The following ATP13A5 variants were observed in gnomAD, a reference collection of about 807,000 sequenced individuals.
ATP13A5 encodes the protein ATPase 13A5.
ATP13A5 carries 149 observed loss-of-function variants against 150.2 expected under a neutral mutation model. The ratio of observed to expected loss-of-function variants is 0.99; its 90% CI spans 0.87 to 1.14. ATP13A5 has a LOEUF of 1.14. Ranked by LOEUF, ATP13A5 falls within the 50% of genes most tolerant of loss-of-function variation. The probability of loss-of-function intolerance (pLI) is 0.00; values close to 1 mark genes in which losing one functional copy is unlikely to be tolerated. For synonymous variants in ATP13A5, 497 were observed against 522.2 expected, an observed-to-expected ratio of 0.95 and a Z score of 0.66; for missense variants, 1,383 against 1,449.3, an observed-to-expected ratio of 0.95 and a Z score of 0.74.
chr3:193,359,272 G>A (rs963800115), intron 5 of ATP13A5, among the ~76,000 whole-genome samples: 4 of 152,008 alleles, frequency 2.6e-5, no homozygotes, highest in African/African-American at 9.7e-5. Context: ...CTTTTCTAGA[G>A]GTGGTTTCAA....
intron 28 of ATP13A5, 130 bp downstream of exon 28, chr3:193,279,236 T>C: frequency 1.5e-6 from 1 of 676,688 alleles, no homozygotes; most frequent in South Asian, 2.0e-5. Context: ...TTTGCCCTTC[T>C]AGTATATAGA....
At chr3:193,352,407 G>T (rs1340585566) in intron 6 of ATP13A5, among the ~76,000 whole-genome samples, 1 of 151,986 alleles carries the variant, frequency 6.6e-6, no homozygotes, top group African/African-American at 2.4e-5. Flanking sequence ...AATACTTTTT[G>T]CAGAAGAAAC....
intron 1 of ATP13A5, among the ~76,000 whole-genome samples, chr3:193,364,869 C>T (rs561163550): frequency 1.1e-4 from 17 of 152,194 alleles, no homozygotes; most frequent in South Asian, 6.2e-4. Context: ...CAAAAAGCAG[C>T]TTATATTTAT....
At chr3:193,323,319 T>TTCCC (rs1279859068) in intron 14 of ATP13A5, 3 of 152,204 alleles carry the variant, frequency 2.0e-5, no homozygotes, top group Non-Finnish European at 4.4e-5. Flanking sequence ...AAAGGACAGT[T>TTCCC]TCCCTCCTCT....
chr3:193,347,295 T>C (rs1451580874), intron 7 of ATP13A5, among the ~76,000 whole-genome samples: 6 of 138,922 alleles, frequency 4.3e-5, no homozygotes, highest in Non-Finnish European at 7.9e-5. Context: ...TTTTTTTAAT[T>C]CTCAAAATAA....
intron 12 of ATP13A5, among the ~76,000 whole-genome samples, chr3:193,329,337 T>C (rs964705632): frequency 1.3e-5 from 2 of 152,050 alleles, no homozygotes; most frequent in Non-Finnish European, 2.9e-5. Flanking sequence ...TTTTGCACTG[T>C]CACGTGTCAT....
intron 19 of ATP13A5, chr3:193,313,588 A>T (rs1313592220): frequency 6.3e-6 from 1 of 159,320 alleles, no homozygotes; most frequent in East Asian, 1.8e-4. Context: ...AATAGGCCTA[A>T]GTCTGCTTTC....
chr3:193,354,826 C>T (rs1712715469), intron 5 of ATP13A5, among the ~76,000 whole-genome samples: 1 of 151,598 alleles, frequency 6.6e-6, no homozygotes, highest in African/African-American at 2.4e-5. Flanking sequence ...TCATTTGATC[C>T]TCACAATAGT....
chr3:193,294,783 G>T (rs1718098075), intron 25 of ATP13A5, among the ~76,000 whole-genome samples: 2 of 152,080 alleles, frequency 1.3e-5, no homozygotes, highest in Admixed American at 6.6e-5. Context: ...ATACATTTAT[G>T]CTGTACACCT....
chr3:193,357,419 T>C (rs1446362703), intron 5 of ATP13A5, among the ~76,000 whole-genome samples: 1 of 152,150 alleles, frequency 6.6e-6, no homozygotes, highest in African/African-American at 2.4e-5. Context: ...GGCATGCCCC[T>C]TGCTGCTGTG....
At position 193,315,118 on chromosome 3, in the gene ATP13A5, A is replaced by T. The variant is rs758960869; in HGVS notation, c.2034-22T>A. On this transcript the variant is annotated intron_variant, in intron 17 of 29. Transcript: ENST00000342358. The stretch of plus-strand genomic sequence containing the variant: ...TTCTCTTTGTATTCAGGAGAAAATC[A>T]ATATTAAAGTATATCTACGTAGGCT... 7 of 1,610,546 alleles carry T rather than the reference A, an allele frequency of 4.3e-6. No homozygotes were observed. In the East Asian group the frequency reaches 1.6e-4, roughly 36 times the overall value.
chr3:193,378,687 G>A lies in ATP13A5; in HGVS notation c.39C>T (p.Leu13=). ...CCAGTTCATCCTCCTCTCCCTGGTT[G>A]AGCAAAGCCCGATGGTCCTTCTTAC... ...ENSKKDHRAL[L]NQGEEDELEV... The change falls in exon 1 of 30, where the codon CTC becomes CTT. Residue 13 remains leucine, a synonymous_variant. Coordinates refer to ENST00000342358, the MANE Select transcript of ATP13A5 (RefSeq NM_198505.4). The A allele has an allele frequency of 6.2e-7, 1 of 1,613,958 alleles. No individual in the cohort carries two copies. The highest frequency in any genetic ancestry group is 8.5e-7 in the Non-Finnish European group (1 of 1,179,864).
chr3:193,378,014 A>T (rs1243254423), intron 1 of ATP13A5, among the ~76,000 whole-genome samples: 1 of 152,210 alleles, frequency 6.6e-6, no homozygotes, highest in Non-Finnish European at 1.5e-5. Flanking sequence ...AATCATAAAT[A>T]TAAACACCTC....
chr3:193,288,605 T>G (rs1179614205), intron 26 of ATP13A5, among the ~76,000 whole-genome samples: 2 of 152,134 alleles, frequency 1.3e-5, no homozygotes, highest in African/African-American at 4.8e-5. Context: ...TAAACATAAC[T>G]TTTATATGGA....
chr3:193,278,319 G>A (rs576499259), intron 28 of ATP13A5, among the ~76,000 whole-genome samples: 1 of 152,268 alleles, frequency 6.6e-6, no homozygotes, highest in South Asian at 2.1e-4. Context: ...TGTCTTCAGA[G>A]CCCTGCTGAG....
In ATP13A5 at chr3:193,333,736, C is replaced by A; in HGVS notation, c.1272+14G>T. ...GAATCTATACTATTGAAAAGCCTTA[C>A]CCCCAGTACTTACTCCATGGTACAT... On this transcript the variant is annotated intron_variant, in intron 11 of 29. Transcript: ENST00000342358. 6.2e-7 allele frequency: 1 copy of A among 1,610,448 alleles called. No individual in the cohort carries two copies. The highest frequency in any genetic ancestry group is 8.5e-7 in the Non-Finnish European group (1 of 1,178,102).
At chr3:193,322,413 TAA>T (rs1719314502) in intron 15 of ATP13A5, 76 bp downstream of exon 15, 1 of 1,159,208 alleles carries the variant, frequency 8.6e-7, no homozygotes, top group East Asian at 2.4e-5. Flanking sequence ...AATAGGACTA[TAA>T]AAATATGTGC....
intron 5 of ATP13A5, among the ~76,000 whole-genome samples, chr3:193,358,736 G>A (rs943151440): frequency 2.2e-4 from 34 of 152,286 alleles, no homozygotes; most frequent in African/African-American, 8.2e-4. Context: ...AGCCCTCCAT[G>A]TGAGCTAAGT....
At chr3:193,276,928 T>C in intron 28 of ATP13A5, 98 bp from the exon 29 acceptor site, 1 of 898,364 alleles carries the variant, frequency 1.1e-6, no homozygotes, top group Non-Finnish European at 1.7e-6. Flanking sequence ...AATAACTCTC[T>C]GAGCTTAGTG....
Sources: gnomAD v4.1 joint callset for allele counts (sites outside exome capture counted in the v4.1 genomes callset) on GRCh38, gnomAD v4.1.1 for gene constraint, MANE v1.5 for transcripts, NCBI Gene and HGNC (gene_info 2026-07-23, HGNC 2026-07-21) for gene names.